NDUFAF2: variants seen among roughly 807,000 people sequenced by gnomAD.
NDUFAF2 encodes the protein NADH dehydrogenase [ubiquinone] 1 alpha subcomplex assembly factor 2.
NDUFAF2 carries 13 observed loss-of-function variants against 22.8 expected under a neutral mutation model. The observed-to-expected ratio is 0.57, with a 90% CI of 0.37 to 0.91. The LOEUF is 0.91. Ranked by LOEUF, NDUFAF2 falls within the 40% of genes least tolerant of loss-of-function variation. The pLI, the probability that NDUFAF2 is intolerant of heterozygous loss-of-function variation, is 0.01. For missense variants in NDUFAF2, 162 were observed against 195.2 expected, an observed-to-expected ratio of 0.83 and a Z score of 1.01; for synonymous variants, 53 against 64.2, an observed-to-expected ratio of 0.83 and a Z score of 0.84.
intron 1 of NDUFAF2, among the ~76,000 whole-genome samples, chr5:61,067,429 G>T (rs952127516): frequency 6.6e-6 from 1 of 151,344 alleles, no homozygotes; most frequent in Non-Finnish European, 1.5e-5. Context: ...TTGTCCTTGC[G>T]ATAGTTTGCT....
chr5:61,080,220 A>G (rs1752425172), intron 2 of NDUFAF2, among the ~76,000 whole-genome samples: 1 of 152,224 alleles, frequency 6.6e-6, no homozygotes, highest in Admixed American at 6.5e-5. Context: ...CTTTATAGCA[A>G]TTATGAGTAA....
intron 1 of NDUFAF2, among the ~76,000 whole-genome samples, chr5:60,967,496 C>G (rs1750773256): frequency 6.6e-6 from 1 of 151,602 alleles, no homozygotes; most frequent in South Asian, 2.1e-4. Context: ...GCCTTTATTG[C>G]ATTGAGATAT....
At chr5:61,064,810 A>T (rs1752208859) in intron 1 of NDUFAF2, among the ~76,000 whole-genome samples, 1 of 152,002 alleles carries the variant, frequency 6.6e-6, no homozygotes, top group African/African-American at 2.4e-5. Flanking sequence ...CTAACATTAC[A>T]CCTCAAGGAA....
chr5:61,113,414 G>A (rs535811899), intron 3 of NDUFAF2, among the ~76,000 whole-genome samples: 3 of 152,038 alleles, frequency 2.0e-5, no homozygotes, highest in African/African-American at 7.2e-5. Context: ...AGCTATTTTC[G>A]CTGGGTATTC....
At chr5:61,011,224 T>A (rs1580093854) in intron 1 of NDUFAF2, among the ~76,000 whole-genome samples, 1 of 152,092 alleles carries the variant, frequency 6.6e-6, no homozygotes, top group African/African-American at 2.4e-5. Context: ...TTATGAGTAT[T>A]TTTGTTAGGA....
intron 3 of NDUFAF2, among the ~76,000 whole-genome samples, chr5:61,112,046 G>A (rs1296461087): frequency 6.6e-6 from 1 of 151,312 alleles, no homozygotes; most frequent in Admixed American, 6.6e-5. Context: ...CGTGAGCCAT[G>A]GCTCCTGTCC....
At chr5:60,979,572 C>A (rs1750948693) in intron 1 of NDUFAF2, among the ~76,000 whole-genome samples, 1 of 152,120 alleles carries the variant, frequency 6.6e-6, no homozygotes, top group African/African-American at 2.4e-5. Context: ...GGTGAGACTT[C>A]TCTACTTGAG....
chr5:61,131,663 A>C (rs1256188551), intron 3 of NDUFAF2, among the ~76,000 whole-genome samples: 6 of 152,148 alleles, frequency 3.9e-5, no homozygotes, highest in African/African-American at 1.4e-4. Flanking sequence ...GATAATGTAC[A>C]CCTATATATA....
intron 3 of NDUFAF2, among the ~76,000 whole-genome samples, chr5:61,146,967 A>C (rs1025198856): frequency 2.3e-4 from 35 of 152,196 alleles, no homozygotes; most frequent in Admixed American, 1.8e-3. Flanking sequence ...GTTCTTTATA[A>C]CAGTTCCCAT....
chr5:61,012,137 A>G (rs162231), intron 1 of NDUFAF2, among the ~76,000 whole-genome samples: 30,556 of 151,864 alleles, frequency 0.2, 3,236 homozygotes, highest in South Asian at 0.28. Flanking sequence ...ACTATTCCTT[A>G]TTATCTGTCA....
chr5:61,130,240 A>C (rs898587536), intron 3 of NDUFAF2, among the ~76,000 whole-genome samples: 4 of 152,154 alleles, frequency 2.6e-5, no homozygotes, highest in Non-Finnish European at 5.9e-5. Context: ...ACTTTCCTTG[A>C]AATGAGTTAT....
At chr5:61,070,937 A>G (rs1752290666) in intron 1 of NDUFAF2, among the ~76,000 whole-genome samples, 1 of 151,324 alleles carries the variant, frequency 6.6e-6, no homozygotes, top group South Asian at 2.1e-4. Flanking sequence ...TCCAAAAAAC[A>G]TTCTTACATT....
At chr5:61,072,690 G>A (rs944479285) in intron 1 of NDUFAF2, among the ~76,000 whole-genome samples, 2 of 151,982 alleles carry the variant, frequency 1.3e-5, no homozygotes, top group South Asian at 2.1e-4. Flanking sequence ...TCTGCCTCCC[G>A]GGCTCAAGTG....
intron 1 of NDUFAF2, among the ~76,000 whole-genome samples, chr5:60,975,864 T>C (rs775946421): frequency 6.6e-6 from 1 of 152,196 alleles, no homozygotes; most frequent in Non-Finnish European, 1.5e-5. Context: ...AAGTACGATA[T>C]GCCGTTAGAA....
chr5:61,014,761 A>G (rs1751484857), intron 1 of NDUFAF2, among the ~76,000 whole-genome samples: 1 of 152,214 alleles, frequency 6.6e-6, no homozygotes, highest in African/African-American at 2.4e-5. Context: ...CAGAAGTTTA[A>G]GTAAAAATAA....
At chr5:61,131,880 A>T (rs531710817) in intron 3 of NDUFAF2, among the ~76,000 whole-genome samples, 36 of 89,650 alleles carry the variant, frequency 4.0e-4, no homozygotes, top group Admixed American at 2.1e-3. Context: ...TCTATTTTGT[A>T]GATTTCTGTT....
rs191607403 is a variant in NDUFAF2, at chr5:61,130,199, A to T, written c.259-22505A>T. Among the ~76,000 whole-genome samples the T allele has an allele frequency of 2.0e-5, 3 of 152,224 alleles. No homozygotes were observed. The East Asian group carries it at 5.8e-4, about 29-fold the overall frequency. ...AGGAATTGACTATCACTGTTGCTGA[A>T]ACTTGTACTTAAATATGTAACACAA... On this transcript the variant is annotated intron_variant, in intron 3 of 3. Coordinates refer to ENST00000296597, the MANE Select transcript of NDUFAF2 (RefSeq NM_174889.5).
At chr5:60,990,580 G>T (rs1455309415) in intron 1 of NDUFAF2, among the ~76,000 whole-genome samples, 2 of 151,966 alleles carry the variant, frequency 1.3e-5, no homozygotes, top group African/African-American at 4.8e-5. Flanking sequence ...TGAATTACTT[G>T]GCTCAAGTAA....
At chr5:60,996,884 G>A (rs1428604745) in intron 1 of NDUFAF2, among the ~76,000 whole-genome samples, 3 of 152,120 alleles carry the variant, frequency 2.0e-5, no homozygotes, top group Non-Finnish European at 1.5e-5. Context: ...CTGATTTTTT[G>A]TCTCTTCAGT....
Sources: gnomAD v4.1 joint callset for allele counts (sites outside exome capture counted in the v4.1 genomes callset) on GRCh38, gnomAD v4.1.1 for gene constraint, MANE v1.5 for transcripts, NCBI Gene and HGNC (gene_info 2026-07-23, HGNC 2026-07-21) for gene names.